Variants in FRMD4A observed in about 807,000 individuals in gnomAD.
FRMD4A encodes FERM domain containing 4A, also known as FERM domain-containing protein 4A.
In FRMD4A, 29 loss-of-function variants were observed where a neutral mutation model predicts 129.1. The observed-to-expected ratio is 0.22, with a 90% confidence interval of 0.17 to 0.31. The LOEUF is 0.31. Ranked by LOEUF, FRMD4A falls within the 10% of genes least tolerant of loss-of-function variation. The pLI is 1.00. For synonymous variants in FRMD4A, 634 were observed against 571.6 expected, an observed-to-expected ratio of 1.11 and a Z score of -1.56; for missense variants, 1,272 against 1,375.8, an observed-to-expected ratio of 0.92 and a Z score of 1.19.
chr10:14,096,394 G>T (rs897736976), intron 2 of FRMD4A, among the ~76,000 whole-genome samples: 4 of 152,176 alleles, frequency 2.6e-5, no homozygotes, highest in African/African-American at 7.2e-5. Flanking sequence ...ATAGCAGCCT[G>T]AACTGACTAA....
intron 2 of FRMD4A, among the ~76,000 whole-genome samples, chr10:14,172,085 T>C (rs912869618): frequency 3.3e-5 from 5 of 152,218 alleles, no homozygotes; most frequent in African/African-American, 9.6e-5. Flanking sequence ...CCCTCAGTCA[T>C]GATGATATTG....
intron 2 of FRMD4A, among the ~76,000 whole-genome samples, chr10:14,066,548 G>A (rs1009022098): frequency 3.3e-5 from 5 of 152,148 alleles, no homozygotes; most frequent in Admixed American, 1.3e-4. Context: ...GAAGTGGGAT[G>A]AGAACTGTGT....
At chr10:14,082,744 A>G (rs1836002392) in intron 2 of FRMD4A, among the ~76,000 whole-genome samples, 1 of 152,130 alleles carries the variant, frequency 6.6e-6, no homozygotes, top group African/African-American at 2.4e-5. Flanking sequence ...CATCCCTCCC[A>G]TGGCATTTTT....
intron 2 of FRMD4A, among the ~76,000 whole-genome samples, chr10:13,932,700 A>G (rs1052371781): frequency 6.6e-6 from 1 of 152,196 alleles, no homozygotes; most frequent in African/African-American, 2.4e-5. Flanking sequence ...ATAAAATGAT[A>G]GTGAATGATG....
chr10:14,065,731 C>T (rs149927156), intron 2 of FRMD4A, among the ~76,000 whole-genome samples: 1 of 152,280 alleles, frequency 6.6e-6, no homozygotes, highest in East Asian at 1.9e-4. Flanking sequence ...CCCAATCATG[C>T]TTAATTTTAT....
chr10:14,093,031 T>A (rs1356891401), intron 2 of FRMD4A, among the ~76,000 whole-genome samples: 4 of 152,152 alleles, frequency 2.6e-5, no homozygotes, highest in Admixed American at 1.3e-4. Context: ...GCTCCCTGCA[T>A]CACTTCTGCT....
At chr10:14,011,661 G>A (rs12571559) in intron 2 of FRMD4A, among the ~76,000 whole-genome samples, 28,327 of 152,110 alleles carry the variant, frequency 0.19, 3,241 homozygotes, top group East Asian at 0.44. Flanking sequence ...CTGAGGGACC[G>A]AGACATTGGA....
intron 2 of FRMD4A, among the ~76,000 whole-genome samples, chr10:14,325,345 C>A (rs1224971265): frequency 6.6e-6 from 1 of 152,214 alleles, no homozygotes; most frequent in African/African-American, 2.4e-5. Flanking sequence ...ACATCTCCAA[C>A]TGGCCTTTCT....
chr10:13,764,197 G>GTA, intron 6 of FRMD4A, among the ~76,000 whole-genome samples: 1 of 151,548 alleles, frequency 6.6e-6, no homozygotes, highest in African/African-American at 2.4e-5. Context: ...GTGTGTGTGT[G>GTA]TGTGTGTGTG....
At chr10:14,109,240 C>T (rs1477229302) in intron 2 of FRMD4A, among the ~76,000 whole-genome samples, 1 of 148,792 alleles carries the variant, frequency 6.7e-6, no homozygotes, top group East Asian at 1.9e-4. Flanking sequence ...TCCAAAGAAG[C>T]TTCTCAGAAG....
intron 3 of FRMD4A, among the ~76,000 whole-genome samples, chr10:13,856,759 A>C (rs1289739428): frequency 6.6e-6 from 1 of 152,156 alleles, no homozygotes; most frequent in East Asian, 1.9e-4. Flanking sequence ...GGTTGAGGAC[A>C]ACTGTTCCCA....
intron 2 of FRMD4A, among the ~76,000 whole-genome samples, chr10:14,006,868 T>C (rs1175503143): frequency 6.6e-6 from 1 of 152,194 alleles, no homozygotes; most frequent in Non-Finnish European, 1.5e-5. Context: ...TAGTTGATGA[T>C]CTTGACATTC....
At chr10:14,250,646 T>G (rs1054497517) in intron 2 of FRMD4A, among the ~76,000 whole-genome samples, 12 of 152,230 alleles carry the variant, frequency 7.9e-5, no homozygotes, top group African/African-American at 2.9e-4. Flanking sequence ...TCTAGAGAAT[T>G]AGCTAGTTCT....
intron 2 of FRMD4A, among the ~76,000 whole-genome samples, chr10:13,899,326 A>G (rs2094794006): frequency 6.6e-6 from 1 of 151,848 alleles, no homozygotes; most frequent in Non-Finnish European, 1.5e-5. Context: ...TCCAAACTTT[A>G]ATTTAATCAT....
intron 2 of FRMD4A, among the ~76,000 whole-genome samples, chr10:13,970,088 T>G (rs919179921): frequency 6.6e-6 from 1 of 152,192 alleles, no homozygotes; most frequent in South Asian, 2.1e-4. Context: ...TCCCCCAGGA[T>G]TCTTTCAGAT....
intron 2 of FRMD4A, among the ~76,000 whole-genome samples, chr10:14,122,503 A>G (rs954890850): frequency 1.3e-5 from 2 of 148,684 alleles, no homozygotes; most frequent in African/African-American, 5.0e-5. Flanking sequence ...TAATGCTGGC[A>G]TCTGCTTGGC....
chr10:14,071,356 A>G (rs901548651), intron 2 of FRMD4A, among the ~76,000 whole-genome samples: 2 of 152,244 alleles, frequency 1.3e-5, no homozygotes, highest in African/African-American at 2.4e-5. Flanking sequence ...AACAGAGTTC[A>G]TATTAACAGT....
chr10:13,858,947 C>A (rs771102704), intron 2 of FRMD4A, 35 bp from the exon 3 acceptor site: 1 of 1,325,712 alleles, frequency 7.5e-7, no homozygotes, highest in Non-Finnish European at 1.1e-6. Flanking sequence ...CACTGAGAGT[C>A]TAGCAGCCAG....
intron 2 of FRMD4A, among the ~76,000 whole-genome samples, chr10:13,986,627 C>G (rs923476663): frequency 1.4e-5 from 2 of 145,166 alleles, no homozygotes; most frequent in African/African-American, 5.1e-5. Flanking sequence ...TGCACATGTA[C>G]CCTAAAACTT....
Sources: allele counts gnomAD v4.1 joint callset (sites outside exome capture counted in the v4.1 genomes callset), GRCh38; gene constraint gnomAD v4.1.1; transcripts MANE v1.5; gene names NCBI Gene and HGNC (gene_info 2026-07-23, HGNC 2026-07-21).